The following PLCB4 variants were observed in gnomAD, a reference collection of about 807,000 sequenced individuals.
PLCB4 encodes the protein 1-phosphatidylinositol 4,5-bisphosphate phosphodiesterase beta-4.
Under a neutral mutation model 178.8 loss-of-function variants are expected in PLCB4, and 77 were observed. That is an observed-to-expected ratio of 0.43 (90% CI 0.36 to 0.52). The LOEUF is 0.52. Ranked by LOEUF, PLCB4 falls within the 20% of genes least tolerant of loss-of-function variation. PLCB4 has a pLI of 0.00. For missense variants in PLCB4, 1,024 were observed against 1,453.4 expected (o/e 0.70, Z 4.80); for synonymous variants, 496 against 490.8 (o/e 1.01, Z -0.14).
At chr20:9,477,204 T>C (rs1163720832) in intron 39 of PLCB4, among the ~76,000 whole-genome samples, 1 of 152,192 alleles carries the variant, frequency 6.6e-6, no homozygotes, top group African/African-American at 2.4e-5. Context: ...CGATGACTCT[T>C]GTCATGCTCT....
At chr20:9,174,104 T>C (rs6056445) in intron 2 of PLCB4, among the ~76,000 whole-genome samples, 464 of 152,202 alleles carry the variant, frequency 3.0e-3, no homozygotes, top group African/African-American at 8.5e-3. Flanking sequence ...CTTGGCTTGG[T>C]TTTGCTGCTA....
intron 2 of PLCB4, among the ~76,000 whole-genome samples, chr20:9,154,913 T>G (rs146573683): frequency 1.3e-5 from 1 of 75,162 alleles, no homozygotes; most frequent in Non-Finnish European, 2.9e-5. Flanking sequence ...CCCTCCTTCC[T>G]TCCTTCCTTC....
At chr20:9,224,253 G>A (rs1285044401) in intron 3 of PLCB4, among the ~76,000 whole-genome samples, 1 of 152,126 alleles carries the variant, frequency 6.6e-6, no homozygotes, top group African/African-American at 2.4e-5. Flanking sequence ...CTCTGGGAGC[G>A]CTGTGGTATG....
chr20:9,110,095 A>G (rs1457972665), intron 2 of PLCB4, among the ~76,000 whole-genome samples: 2 of 152,122 alleles, frequency 1.3e-5, no homozygotes, highest in Non-Finnish European at 2.9e-5. Flanking sequence ...GTACTCAACT[A>G]TTTTTTGCAA....
At chr20:9,117,156 A>G (rs2146725178) in intron 2 of PLCB4, among the ~76,000 whole-genome samples, 1 of 152,312 alleles carries the variant, frequency 6.6e-6, no homozygotes, top group Non-Finnish European at 1.5e-5. Flanking sequence ...CTTAATGACT[A>G]TATAATACTT....
chr20:9,452,794 G>A lies in PLCB4; in HGVS notation c.2881-553G>A, dbSNP rs374958224. On this transcript the variant is annotated intron_variant, in intron 32 of 39. Coordinates refer to ENST00000378473, the MANE Select transcript of PLCB4 (RefSeq NM_001377142.1). Reference sequence around the variant, plus strand: ...TAAGCCAGTGAAAATATTAAGTGATGTAGATTCAAATTCAGCTGATGGTGA... The same window carrying A: ...TAAGCCAGTGAAAATATTAAGTGATATAGATTCAAATTCAGCTGATGGTGA... Among the ~76,000 whole-genome samples, 66 of 152,254 alleles carry A rather than the reference G, an allele frequency of 4.3e-4. No individual in the cohort carries two copies. The South Asian group carries it at 0.013, about 31-fold the overall frequency.
At chr20:9,280,410 A>G (rs2094484773) in intron 3 of PLCB4, 1 of 974,446 alleles carries the variant, frequency 1.0e-6, no homozygotes, top group Admixed American at 6.2e-5. Flanking sequence ...AAGGACAAAG[A>G]TATTGTGTTC....
intron 38 of PLCB4, among the ~76,000 whole-genome samples, chr20:9,474,353 G>A (rs2044400784): frequency 1.3e-5 from 2 of 152,152 alleles, no homozygotes; most frequent in South Asian, 4.1e-4. Context: ...CAGCCCATCA[G>A]CCTTCTACAG....
At position 9,383,145 on chromosome 20, in the gene PLCB4, G is replaced by A. The variant is rs146952032; in HGVS notation, c.854-1056G>A. ...AAATTAAAAACAGCCCAAACTACCC[G>A]TTGTTTGGATAAATGCATATGTAGT... On this transcript the variant is annotated intron_variant, in intron 13 of 39. Transcript: ENST00000378473. Among the ~76,000 whole-genome samples, 519 of 152,246 alleles carry A rather than the reference G, an allele frequency of 3.4e-3. 2 individuals are homozygous for A. Among genetic ancestry groups the A allele is most frequent in the African/African-American group, 0.012 (485 of 41,530 alleles).
chr20:9,472,205 G>C (rs370736037), intron 36 of PLCB4, among the ~76,000 whole-genome samples: 7 of 152,270 alleles, frequency 4.6e-5, no homozygotes, highest in South Asian at 2.1e-4. Context: ...CACAGGAAGC[G>C]ATGCCACTGT....
Position 9,352,429 on chromosome 20 carries a change from T to C in PLCB4, c.370-10467T>C, listed in dbSNP as rs77350008. 5.6e-3 allele frequency among the ~76,000 whole-genome samples: 848 copies of C among 152,356 alleles called. 3 individuals are homozygous for C. Among genetic ancestry groups the C allele is most frequent in the African/African-American group, 0.019 (802 of 41,586 alleles). On this transcript the variant is annotated intron_variant, in intron 7 of 39. Transcript: ENST00000378473. ...CATTGCTACAGGGTATCTATTAATA[T>C]ATAGAATCAGGCTTAGGCAATGCAA... is the stretch of plus-strand genomic sequence containing the variant.
At chr20:9,082,110 GA>G (rs11308855) in intron 1 of PLCB4, among the ~76,000 whole-genome samples, 92,987 of 151,688 alleles carry the variant, frequency 0.61, 28,676 homozygotes, top group South Asian at 0.72. Context: ...CCTGGAATTA[GA>G]AAAAAAATTT....
At chr20:9,275,812 A>C (rs1156539252) in intron 3 of PLCB4, among the ~76,000 whole-genome samples, 2 of 152,042 alleles carry the variant, frequency 1.3e-5, no homozygotes, top group Admixed American at 6.6e-5. Flanking sequence ...TTATCTCATG[A>C]CCTTCTCAAA....
intron 3 of PLCB4, among the ~76,000 whole-genome samples, chr20:9,303,288 T>C (rs1045017676): frequency 1.2e-4 from 18 of 152,284 alleles, no homozygotes; most frequent in Non-Finnish European, 1.9e-4. Context: ...CAAACTTATT[T>C]CTTCTGTGTA....
chr20:9,097,619 G>C (rs988116768), intron 2 of PLCB4, among the ~76,000 whole-genome samples: 19 of 152,076 alleles, frequency 1.2e-4, no homozygotes, highest in African/African-American at 3.9e-4. Flanking sequence ...TAACAAATTC[G>C]TGATGCTGAT....
intron 3 of PLCB4, among the ~76,000 whole-genome samples, chr20:9,293,103 G>C (rs2094595386): frequency 6.6e-6 from 1 of 150,996 alleles, no homozygotes; most frequent in Non-Finnish European, 1.5e-5. Flanking sequence ...AAAAGAGAGA[G>C]AGACACCCAG....
intron 4 of PLCB4, among the ~76,000 whole-genome samples, chr20:9,309,157 T>A (rs2094802914): frequency 6.6e-6 from 1 of 152,160 alleles, no homozygotes; most frequent in Non-Finnish European, 1.5e-5. Context: ...TACAAGGCCT[T>A]CTATAATTTG....
chr20:9,402,128 A>C (rs2039074930), intron 20 of PLCB4, among the ~76,000 whole-genome samples: 1 of 152,248 alleles, frequency 6.6e-6, no homozygotes, highest in Admixed American at 6.5e-5. Flanking sequence ...TTCTGCCCTT[A>C]GGCAGCTCAT....
chr20:9,405,290 A>T, intron 20 of PLCB4, 23 bp from the exon 21 acceptor site: 1 of 1,463,674 alleles, frequency 6.8e-7, no homozygotes, highest in Non-Finnish European at 9.3e-7. Flanking sequence ...GAAGTAAACA[A>T]ATTATTTCCT....
Sources: allele counts gnomAD v4.1 joint callset (sites outside exome capture counted in the v4.1 genomes callset), GRCh38; gene constraint gnomAD v4.1.1; transcripts MANE v1.5; gene names NCBI Gene and HGNC (gene_info 2026-07-23, HGNC 2026-07-21).